The following ONECUT2 variants were observed in gnomAD, a reference collection of about 807,000 sequenced individuals.
ONECUT2 encodes the protein one cut domain family member 2.
In ONECUT2, 10 loss-of-function variants were observed where a neutral mutation model predicts 27.9. That is an observed-to-expected ratio of 0.36 (90% CI 0.22 to 0.61). The LOEUF (loss-of-function observed/expected upper bound fraction) is 0.61. Among genes scored for constraint, ONECUT2 ranks in the 20% least tolerant of loss-of-function variants. The pLI is 0.73. For missense variants in ONECUT2, 686 were observed against 721.0 expected (o/e 0.95, Z 0.56); for synonymous variants, 334 against 315.1 (o/e 1.06, Z -0.64).
In ONECUT2 at chr18:57,481,235, A is replaced by C. The variant is rs2050414553; in HGVS notation, c.*4512A>C. On this transcript the variant is annotated 3_prime_UTR_variant, in exon 2 of 2. Transcript: ENST00000491143. Reference sequence around the variant, plus strand: ...TAAAAGCTTTTCCAAAATGTAAAAGAAGTGTTTAGCTTGCACCATGCATAA... The same window carrying C: ...TAAAAGCTTTTCCAAAATGTAAAAGCAGTGTTTAGCTTGCACCATGCATAA... The C allele has an allele frequency of 6.6e-6, 1 of 152,238 alleles. No individual in the cohort carries two copies. 9.4% of individuals were successfully genotyped at this position (152,238 alleles called of 1,614,324 possible).
intron 1 of ONECUT2, among the ~76,000 whole-genome samples, chr18:57,437,541 CG>C (rs1344983913): frequency 6.6e-6 from 1 of 152,210 alleles, no homozygotes; most frequent in Non-Finnish European, 1.5e-5. Flanking sequence ...GGGGAACCGG[CG>C]GCCAGGATAC....
chr18:57,440,557 G>T (rs996736283), intron 1 of ONECUT2, among the ~76,000 whole-genome samples: 1 of 152,232 alleles, frequency 6.6e-6, no homozygotes, highest in African/African-American at 2.4e-5. Flanking sequence ...CCAGCGGCCA[G>T]TCTGAAGCCA....
intron 1 of ONECUT2, among the ~76,000 whole-genome samples, chr18:57,468,662 C>T (rs1301930219): frequency 6.6e-6 from 1 of 152,120 alleles, no homozygotes; most frequent in Non-Finnish European, 1.5e-5. Context: ...AGAGCCTGAG[C>T]CCCAAGTCTT....
chr18:57,435,781 C>A lies in ONECUT2; in HGVS notation c.65C>A (p.Pro22Gln). The A allele has an allele frequency of 7.9e-7, 1 of 1,259,296 alleles. No homozygotes were observed. Among genetic ancestry groups the A allele is most frequent in the South Asian group, 1.4e-5 (1 of 73,908 alleles). 78.0% of individuals were successfully genotyped at this position (1,259,296 alleles called of 1,614,324 possible). Residue 22 changes from proline to glutamine, a missense_variant, in exon 1 of 2, where the codon CCG becomes CAG. Physicochemically the swap from Pro to Gln is moderately conservative, Grantham distance 76. Transcript: ENST00000491143. ...TKDLEGCAMN[P>Q]ELTMESLGTL... ...GACCTAGAAGGCTGCGCCATGAACC[C>A]GGAGCTGACAATGGAAAGTCTGGGC...
rs1322702620 is a variant in ONECUT2 at position 57,482,597 on chromosome 18, C to T, written c.*5874C>T. 2 of 152,210 alleles carry T rather than the reference C, an allele frequency of 1.3e-5. No homozygotes were observed. The highest frequency in any genetic ancestry group is 2.9e-5 in the Non-Finnish European group (2 of 68,032). The allele number at this position is 152,210 out of a possible 1,614,324, so 9.4% of individuals were successfully genotyped here. On this transcript the variant is annotated 3_prime_UTR_variant, in exon 2 of 2. Transcript: ENST00000491143. The stretch of plus-strand genomic sequence containing the variant: ...TTCCACTCTGCTCCATTTTTAGCAG[C>T]AAGCATTTCATGTAGCATAAACCTT...
At chr18:57,455,279 A>G (rs2122122283) in intron 1 of ONECUT2, among the ~76,000 whole-genome samples, 1 of 152,364 alleles carries the variant, frequency 6.6e-6, no homozygotes, top group South Asian at 2.1e-4. Flanking sequence ...GAGAAAAGAA[A>G]GAAAACCTGT....
rs570046 is a variant in ONECUT2, at chr18:57,477,200, C to T, written c.*477C>T. ...CAACAATAAGAGAAGAATCTAGCAACGAGAATGACCTCATTTGCTTTCCAC... is the reference window on the plus strand; with the variant it reads ...CAACAATAAGAGAAGAATCTAGCAATGAGAATGACCTCATTTGCTTTCCAC... On this transcript the variant is annotated 3_prime_UTR_variant, in exon 2 of 2. Coordinates refer to ENST00000491143, the MANE Select transcript of ONECUT2 (RefSeq NM_004852.3). 99,243 of 159,992 alleles carry T rather than the reference C, an allele frequency of 0.62. 34,332 individuals are homozygous for T. Among genetic ancestry groups the T allele is most frequent in the Middle Eastern group, 0.79 (240 of 304 alleles). 9.9% of individuals were successfully genotyped at this position (159,992 alleles called of 1,614,324 possible).
intron 1 of ONECUT2, among the ~76,000 whole-genome samples, chr18:57,443,007 G>T (rs1013374618): frequency 4.6e-5 from 7 of 152,128 alleles, no homozygotes; most frequent in African/African-American, 1.4e-4. Flanking sequence ...TCCCCACCAG[G>T]TTTTCTGGCC....
rs1436876306 is a variant in ONECUT2, at chr18:57,484,310, A to G, written c.*7587A>G. Reference sequence around the variant, plus strand: ...TTTAATCGTGTTGATGACACCAAAGATACCAAAGATTTCTTTCTCTGTGCG... The same window carrying G: ...TTTAATCGTGTTGATGACACCAAAGGTACCAAAGATTTCTTTCTCTGTGCG... On this transcript the variant is annotated 3_prime_UTR_variant, in exon 2 of 2. Coordinates refer to ENST00000491143, the MANE Select transcript of ONECUT2 (RefSeq NM_004852.3). 6.6e-6 allele frequency: 1 copy of G among 152,642 alleles called. No individual in the cohort carries two copies. Among genetic ancestry groups the G allele is most frequent in the Non-Finnish European group, 1.5e-5 (1 of 68,040 alleles). The allele number at this position is 152,642 out of a possible 1,614,324, so 9.5% of individuals were successfully genotyped here.
chr18:57,442,310 C>T (rs992393051), intron 1 of ONECUT2, among the ~76,000 whole-genome samples: 5 of 147,494 alleles, frequency 3.4e-5, no homozygotes, highest in African/African-American at 1.3e-4. Flanking sequence ...TTTCCAACAG[C>T]GGGTATCAAT....
chr18:57,467,446 ATC>A (rs2050329144), intron 1 of ONECUT2, among the ~76,000 whole-genome samples: 1 of 152,072 alleles, frequency 6.6e-6, no homozygotes, highest in Non-Finnish European at 1.5e-5. Context: ...GCTCACTGCA[ATC>A]TCTGCCTCCC....
chr18:57,485,356 A>G lies in ONECUT2; in HGVS notation c.*8633A>G, dbSNP rs2050433031. 6.6e-6 allele frequency: 1 copy of G among 152,236 alleles called. No individual in the cohort carries two copies. The highest frequency in any genetic ancestry group is 6.5e-5 in the Admixed American group (1 of 15,286). The allele number at this position is 152,236 out of a possible 1,614,324, so 9.4% of individuals were successfully genotyped here. The stretch of plus-strand genomic sequence containing the variant: ...TTACATCATTTGATACTAAAGGGTT[A>G]TTTGTGGTAAATGAAAAATGACCCC... On this transcript the variant is annotated 3_prime_UTR_variant, in exon 2 of 2. Coordinates refer to ENST00000491143, the MANE Select transcript of ONECUT2 (RefSeq NM_004852.3).
chr18:57,447,828 G>A (rs988706850), intron 1 of ONECUT2, among the ~76,000 whole-genome samples: 1 of 152,178 alleles, frequency 6.6e-6, no homozygotes, highest in Non-Finnish European at 1.5e-5. Context: ...CAACTGTGGA[G>A]CATCACCACC....
chr18:57,440,689 C>T lies in ONECUT2; in HGVS notation c.1228+3745C>T, dbSNP rs1319933717. Among the ~76,000 whole-genome samples, 12 of 152,356 alleles carry T rather than the reference C, an allele frequency of 7.9e-5. No homozygotes were observed. In the East Asian group the frequency reaches 2.3e-3, roughly 29 times the overall value. Reference sequence around the variant, plus strand: ...GCAGTGGCTCCTGCTAGGGGCACCGCGTGCGTGCTTGTCTCCCGCTGCGCC... The same window carrying T: ...GCAGTGGCTCCTGCTAGGGGCACCGTGTGCGTGCTTGTCTCCCGCTGCGCC... On this transcript the variant is annotated intron_variant, in intron 1 of 1. Transcript: ENST00000491143.
intron 1 of ONECUT2, among the ~76,000 whole-genome samples, chr18:57,475,609 G>C (rs908983626): frequency 2.0e-5 from 3 of 152,146 alleles, no homozygotes; most frequent in Non-Finnish European, 4.4e-5. Flanking sequence ...TAAGGGAGAG[G>C]TCGTGACACA....
At chr18:57,444,962 GTTTTTCTCATTCTTC>G (rs2050193584) in intron 1 of ONECUT2, among the ~76,000 whole-genome samples, 5 of 152,130 alleles carry the variant, frequency 3.3e-5, no homozygotes, top group Non-Finnish European at 7.4e-5. Flanking sequence ...AGTTGGGGAT[GTTTTTCTCATTCTTC>G]TAAAATGACA....
At chr18:57,472,752 C>T (rs553074817) in intron 1 of ONECUT2, among the ~76,000 whole-genome samples, 3 of 151,950 alleles carry the variant, frequency 2.0e-5, no homozygotes, top group East Asian at 1.9e-4. Context: ...AAATATAATC[C>T]GACAAGCCAA....
At chr18:57,469,329 A>T (rs1440644752) in intron 1 of ONECUT2, among the ~76,000 whole-genome samples, 2 of 152,168 alleles carry the variant, frequency 1.3e-5, no homozygotes, top group Middle Eastern at 3.2e-3. Context: ...ACAAATGCAC[A>T]CCCTGGATGG....
Position 57,487,791 on chromosome 18 carries a change from C to T in ONECUT2, c.*11068C>T, listed in dbSNP as rs1210444336. ...GTTTTGAAACCCACTTTAGGAAAAC[C>T]ATCTTCTTTAAATCCTTCAATTATC... On this transcript the variant is annotated 3_prime_UTR_variant, in exon 2 of 2. Coordinates refer to ENST00000491143, the MANE Select transcript of ONECUT2 (RefSeq NM_004852.3). 2.6e-5 allele frequency: 4 copies of T among 152,016 alleles called. No individual in the cohort carries two copies. Among genetic ancestry groups the T allele is most frequent in the Non-Finnish European group, 5.9e-5 (4 of 68,000 alleles). 9.4% of individuals were successfully genotyped at this position (152,016 alleles called of 1,614,324 possible).
Sources: allele counts gnomAD v4.1 joint callset (sites outside exome capture counted in the v4.1 genomes callset), GRCh38; gene constraint gnomAD v4.1.1; transcripts MANE v1.5; gene names NCBI Gene and HGNC (gene_info 2026-07-23, HGNC 2026-07-21).